The following PDE4D variants were observed in gnomAD, a reference collection of about 807,000 sequenced individuals.
PDE4D encodes phosphodiesterase 4D.
In PDE4D, 24 loss-of-function variants were observed where a neutral mutation model predicts 87.4. The observed-to-expected ratio is 0.27, with a 90% confidence interval of 0.20 to 0.39. PDE4D has a LOEUF of 0.39. Among genes scored for constraint, PDE4D ranks in the 10% least tolerant of loss-of-function variants. The probability of loss-of-function intolerance (pLI) is 1.00; values close to 1 mark genes in which losing one functional copy is unlikely to be tolerated. For missense variants in PDE4D, 714 were observed against 1,041.0 expected (o/e 0.69, Z 4.32); for synonymous variants, 384 against 383.2 (o/e 1.00, Z -0.02).
At chr5:59,906,032 G>A (rs1752770214) in intron 3 of PDE4D, among the ~76,000 whole-genome samples, 1 of 152,144 alleles carries the variant, frequency 6.6e-6, no homozygotes, top group African/African-American at 2.4e-5. Flanking sequence ...GAAAACAGAT[G>A]TTTACTGGAG....
chr5:60,391,504 G>A lies in PDE4D; in HGVS notation c.-90+96438C>T, dbSNP rs76828919. Among the ~76,000 whole-genome samples the A allele has an allele frequency of 7.8e-4, 119 of 152,216 alleles. 1 individual carries two copies. In the East Asian group the frequency reaches 9.7e-3, roughly 12 times the overall value. On this transcript the variant is annotated intron_variant, in intron 1 of 16. Coordinates refer to the PDE4D transcript ENST00000502484. ...GCTCTAGGGGAAATTCTCTTTCCTC[G>A]CCTTTTCCAGCTCTAGAGATCATCC...
At chr5:59,030,500 G>A (rs1384730427) in intron 6 of PDE4D, among the ~76,000 whole-genome samples, 1 of 151,294 alleles carries the variant, frequency 6.6e-6, no homozygotes, top group Non-Finnish European at 1.5e-5. Flanking sequence ...AGTGCTTTGG[G>A]AGGCTGAGGC....
In PDE4D at chr5:59,649,905, C is replaced by CTTTTTTTTTTTTTTTTTTTTTTTTTTTTT. The variant is rs1156467369; in HGVS notation, c.455+243262_455+243263insAAAAAAAAAAAAAAAAAAAAAAAAAAAAA. On this transcript the variant is annotated intron_variant, in intron 1 of 14. Transcript: ENST00000340635. ...GTTAAAATGTTGATAGTTTGTGAAC[C>CTTTTTTTTTTTTTTTTTTTTTTTTTTTTT]TTTTTTTTTTTTTTTTTTTTTTTTT... 4.3e-4 allele frequency among the ~76,000 whole-genome samples: 31 copies of CTTTTTTTTTTTTTTTTTTTTTTTTTTTTT among 72,442 alleles called. 5 individuals carry two copies. Among genetic ancestry groups the CTTTTTTTTTTTTTTTTTTTTTTTTTTTTT allele is most frequent in the South Asian group, 1.1e-3 (2 of 1,806 alleles). The allele number at this position is 72,442 out of a possible 152,430, so 47.5% of individuals were successfully genotyped here. A position where few individuals can be genotyped will look rare whatever the true frequency, so the allele number is the denominator to read the frequency against.
chr5:59,876,789 G>A (rs1465918939), intron 1 of PDE4D, among the ~76,000 whole-genome samples: 1 of 152,070 alleles, frequency 6.6e-6, no homozygotes, highest in Non-Finnish European at 1.5e-5. Flanking sequence ...ATCTATAAAT[G>A]GCTATCTCAG....
intron 1 of PDE4D, among the ~76,000 whole-genome samples, chr5:59,228,900 C>A (rs1332426979): frequency 2.6e-5 from 4 of 152,100 alleles, no homozygotes; most frequent in African/African-American, 9.7e-5. Flanking sequence ...GTTCTCTTTG[C>A]CTGGCATATT....
intron 1 of PDE4D, among the ~76,000 whole-genome samples, chr5:59,637,459 G>A (rs928208255): frequency 6.6e-6 from 1 of 151,906 alleles, no homozygotes; most frequent in African/African-American, 2.4e-5. Flanking sequence ...TATGTTTATT[G>A]CAGGACTATT....
intron 1 of PDE4D, among the ~76,000 whole-genome samples, chr5:60,202,498 C>G (rs1292693633): frequency 5.9e-5 from 9 of 151,882 alleles, no homozygotes; most frequent in Admixed American, 5.2e-4. Context: ...ACAAAAACTT[C>G]TATATATCAA....
chr5:59,439,157 G>A (rs1423304112), intron 1 of PDE4D, among the ~76,000 whole-genome samples: 8 of 152,114 alleles, frequency 5.3e-5, no homozygotes, highest in Middle Eastern at 6.8e-3. Context: ...TCAGGAATTC[G>A]AGACCAGCTT....
intron 5 of PDE4D, among the ~76,000 whole-genome samples, chr5:59,098,675 G>A (rs1016645592): frequency 5.6e-5 from 7 of 124,926 alleles, no homozygotes; most frequent in Non-Finnish European, 1.1e-4. Context: ...CTACACTCCA[G>A]CCTGGGTGAC....
At chr5:60,379,691 C>T (rs545796739) in intron 1 of PDE4D, among the ~76,000 whole-genome samples, 95 of 152,094 alleles carry the variant, frequency 6.2e-4, no homozygotes, top group Non-Finnish European at 1.0e-3. Flanking sequence ...GTAAACAAAA[C>T]CCCAGAAGAA....
intron 2 of PDE4D, among the ~76,000 whole-genome samples, chr5:59,989,651 A>C (rs1762816909): frequency 6.6e-6 from 1 of 152,188 alleles, no homozygotes; most frequent in Middle Eastern, 3.2e-3. Flanking sequence ...AATTTGATCC[A>C]TGTTATCCAC....
chr5:60,041,226 C>T (rs771735285), intron 2 of PDE4D, among the ~76,000 whole-genome samples: 55 of 152,222 alleles, frequency 3.6e-4, no homozygotes, highest in Non-Finnish European at 5.7e-4. Context: ...TCGATAGTCA[C>T]GGCTTGGCTG....
intron 1 of PDE4D, among the ~76,000 whole-genome samples, chr5:60,477,171 C>T (rs1231879948): frequency 6.6e-6 from 1 of 152,066 alleles, no homozygotes; most frequent in Non-Finnish European, 1.5e-5. Flanking sequence ...AAAGCATGAT[C>T]AAAACCCCAC....
chr5:59,029,431 A>AC (rs1156400610), intron 6 of PDE4D, among the ~76,000 whole-genome samples: 1 of 151,222 alleles, frequency 6.6e-6, no homozygotes, highest in African/African-American at 2.4e-5. Context: ...AAAAAAAAAA[A>AC]AAAAAACTTA....
At chr5:59,872,879 C>T (rs946599649) in intron 1 of PDE4D, among the ~76,000 whole-genome samples, 1 of 152,112 alleles carries the variant, frequency 6.6e-6, no homozygotes, top group Non-Finnish European at 1.5e-5. Context: ...TGGGTACGCT[C>T]AATGAAAATG....
chr5:59,504,948 G>A (rs557678396), intron 1 of PDE4D, among the ~76,000 whole-genome samples: 9 of 151,508 alleles, frequency 5.9e-5, no homozygotes, highest in South Asian at 2.1e-4. Flanking sequence ...GTGCGTGCGC[G>A]TGTGTTTGTG....
chr5:59,758,159 T>C (rs1201935857), intron 1 of PDE4D, among the ~76,000 whole-genome samples: 1 of 152,210 alleles, frequency 6.6e-6, no homozygotes, highest in Non-Finnish European at 1.5e-5. Context: ...CAAGTTTTAA[T>C]GCTATTGGTT....
intron 1 of PDE4D, among the ~76,000 whole-genome samples, chr5:60,497,295 A>G (rs1749856481): frequency 6.6e-6 from 1 of 150,700 alleles, no homozygotes; most frequent in South Asian, 2.1e-4. Flanking sequence ...TGGGGAAATG[A>G]TAGCATTGTT....
intron 1 of PDE4D, among the ~76,000 whole-genome samples, chr5:59,808,065 T>C (rs1208880119): frequency 1.3e-5 from 2 of 152,232 alleles, no homozygotes; most frequent in African/African-American, 4.8e-5. Flanking sequence ...CAAAGTAGCG[T>C]TGAATAACTC....
Sources: gnomAD v4.1 joint callset for allele counts (sites outside exome capture counted in the v4.1 genomes callset) on GRCh38, gnomAD v4.1.1 for gene constraint, MANE v1.5 for transcripts, NCBI Gene and HGNC (gene_info 2026-07-23, HGNC 2026-07-21) for gene names.